The following SNX29 variants were observed in gnomAD, a reference collection of about 807,000 sequenced individuals.
SNX29 encodes sorting nexin-29.
SNX29 carries 78 observed loss-of-function variants against 102.1 expected under a neutral mutation model. That is an observed-to-expected ratio of 0.76 (90% CI 0.64 to 0.92). The LOEUF (loss-of-function observed/expected upper bound fraction) is 0.92. SNX29 is among the 40% of genes least tolerant of loss of function. The pLI is 0.00. For synonymous variants in SNX29, 580 were observed against 414.5 expected (o/e 1.40, Z -4.85); for missense variants, 1,280 against 1,061.7 (o/e 1.21, Z -2.86).
At chr16:12,531,497 G>A (rs1035373705) in intron 20 of SNX29, among the ~76,000 whole-genome samples, 8 of 152,300 alleles carry the variant, frequency 5.3e-5, no homozygotes, top group South Asian at 4.1e-4. Context: ...AAGAGGGGAC[G>A]TGGGGCCCCA....
In SNX29 at chr16:12,215,494, A is replaced by T. The variant is rs190896708; in HGVS notation, c.1678+15811A>T. ...CTGATACAGAAGTGAGTAATACTCT[A>T]TATCTACCCACCTGGGGCTCATAGA... On this transcript the variant is annotated intron_variant, in intron 14 of 20. Transcript: ENST00000566228. Among the ~76,000 whole-genome samples the T allele has an allele frequency of 4.5e-3, 684 of 152,226 alleles. 8 individuals are homozygous for T. The highest frequency in any genetic ancestry group is 0.015 in the African/African-American group (642 of 41,518).
intron 13 of SNX29, among the ~76,000 whole-genome samples, chr16:12,191,141 A>C (rs549809758): frequency 4.7e-4 from 72 of 152,250 alleles, no homozygotes; most frequent in Non-Finnish European, 8.5e-4. Context: ...TGTGCAACCT[A>C]GATCTTGCAT....
chr16:12,016,880 A>G (rs1211457792), intron 3 of SNX29, among the ~76,000 whole-genome samples: 1 of 151,974 alleles, frequency 6.6e-6, no homozygotes, highest in Non-Finnish European at 1.5e-5. Context: ...TAATTCTAGC[A>G]CTTTGGGAGG....
chr16:12,054,177 G>A (rs168408), intron 8 of SNX29, among the ~76,000 whole-genome samples: 79,973 of 152,048 alleles, frequency 0.53, 21,393 homozygotes, highest in African/African-American at 0.6. Flanking sequence ...CCTGTTAGCC[G>A]GGATGGTCTC....
intron 12 of SNX29, among the ~76,000 whole-genome samples, chr16:12,127,388 A>G (rs969466373): frequency 7.9e-5 from 12 of 151,616 alleles, no homozygotes; most frequent in Admixed American, 7.2e-4. Flanking sequence ...AAGAAGTCCT[A>G]TACCCTTTAA....
intron 17 of SNX29, among the ~76,000 whole-genome samples, chr16:12,401,056 C>T (rs1035430085): frequency 5.3e-5 from 8 of 152,146 alleles, no homozygotes; most frequent in African/African-American, 1.9e-4. Flanking sequence ...TGGTCTCGAT[C>T]TCCTGACCTC....
chr16:12,356,506 A>G lies in SNX29; in HGVS notation c.1899+227A>G, dbSNP rs562719409. 6.6e-5 allele frequency among the ~76,000 whole-genome samples: 10 copies of G among 152,302 alleles called. 1 individual carries two copies. The East Asian group carries it at 1.9e-3, about 29-fold the overall frequency. On this transcript the variant is annotated intron_variant, in intron 16 of 20. Coordinates refer to ENST00000566228, the MANE Select transcript of SNX29 (RefSeq NM_032167.5). ...TTCCTGTTTCTCCTTCTAGTCATCT[A>G]TAGTTAAAATTGGCATATAGTCCCC...
chr16:12,212,791 C>A (rs1010333962), intron 14 of SNX29, among the ~76,000 whole-genome samples: 1 of 152,102 alleles, frequency 6.6e-6, no homozygotes, highest in Admixed American at 6.6e-5. Context: ...AGAAAGAAAA[C>A]GTGGTATGTA....
chr16:12,177,006 G>A (rs938996316), intron 13 of SNX29, among the ~76,000 whole-genome samples: 2 of 152,050 alleles, frequency 1.3e-5, no homozygotes, highest in Non-Finnish European at 2.9e-5. Flanking sequence ...GGAGTGTAGT[G>A]GCTCAATCAT....
At chr16:12,483,984 T>G (rs2151841029) in intron 19 of SNX29, among the ~76,000 whole-genome samples, 1 of 152,352 alleles carries the variant, frequency 6.6e-6, no homozygotes. Flanking sequence ...TGACGCAAGC[T>G]GGGATGACGT....
At chr16:12,080,431 C>T (rs1239239865) in intron 11 of SNX29, among the ~76,000 whole-genome samples, 1 of 152,226 alleles carries the variant, frequency 6.6e-6, no homozygotes, top group Non-Finnish European at 1.5e-5. Context: ...ATAGATCACT[C>T]AGTCCATGGG....
At chr16:12,218,726 T>G (rs1462560486) in intron 14 of SNX29, among the ~76,000 whole-genome samples, 1 of 152,206 alleles carries the variant, frequency 6.6e-6, no homozygotes, top group Non-Finnish European at 1.5e-5. Flanking sequence ...ATTTTTCAAA[T>G]CATTTCCTCA....
intron 18 of SNX29, among the ~76,000 whole-genome samples, chr16:12,415,785 C>T (rs550099625): frequency 4.8e-4 from 73 of 152,344 alleles, no homozygotes; most frequent in African/African-American, 1.5e-3. Context: ...CCACACCACA[C>T]ACTCCCTGTG....
chr16:12,537,613 A>G (rs1338563549), intron 20 of SNX29, among the ~76,000 whole-genome samples: 1 of 152,216 alleles, frequency 6.6e-6, no homozygotes, highest in Non-Finnish European at 1.5e-5. Flanking sequence ...CTTCAGTCCC[A>G]AAATGATTGA....
intron 20 of SNX29, among the ~76,000 whole-genome samples, chr16:12,540,186 G>C (rs1442372448): frequency 2.0e-5 from 3 of 151,986 alleles, no homozygotes; most frequent in African/African-American, 7.3e-5. Context: ...GTGGACTTTT[G>C]TGTCAGGTCC....
At chr16:12,544,381 G>A (rs2077488410) in intron 20 of SNX29, among the ~76,000 whole-genome samples, 1 of 152,206 alleles carries the variant, frequency 6.6e-6, no homozygotes. Flanking sequence ...GGAGTGGAAG[G>A]CGTTGTGAGG....
intron 13 of SNX29, among the ~76,000 whole-genome samples, chr16:12,139,479 GC>G (rs959431390): frequency 2.6e-5 from 4 of 152,182 alleles, no homozygotes; most frequent in African/African-American, 9.7e-5. Context: ...GGACCGTGGG[GC>G]CAGTGACTGT....
At chr16:12,556,712 G>C (rs542010147) in intron 20 of SNX29, among the ~76,000 whole-genome samples, 2 of 152,284 alleles carry the variant, frequency 1.3e-5, no homozygotes, top group Non-Finnish European at 2.9e-5. Flanking sequence ...AGGCCAGTGG[G>C]TCTTGGATTT....
chr16:12,541,484 C>A (rs564905820), intron 20 of SNX29, among the ~76,000 whole-genome samples: 2 of 152,112 alleles, frequency 1.3e-5, no homozygotes, highest in Non-Finnish European at 2.9e-5. Flanking sequence ...GGATCTCAGA[C>A]CCAGACCTCT....
Sources: allele counts gnomAD v4.1 joint callset (sites outside exome capture counted in the v4.1 genomes callset), GRCh38; gene constraint gnomAD v4.1.1; transcripts MANE v1.5; gene names NCBI Gene and HGNC (gene_info 2026-07-23, HGNC 2026-07-21).